The following CDHR2 variants were observed in gnomAD, a reference collection of about 807,000 sequenced individuals.
CDHR2 encodes cadherin related family member 2, also known as cadherin-related family member 2.
A neutral mutation model predicts 138.6 loss-of-function variants in CDHR2; 104 were observed. That is an observed-to-expected ratio of 0.75 (90% confidence interval 0.64 to 0.88). The LOEUF (loss-of-function observed/expected upper bound fraction) is 0.88. Among genes scored for constraint, CDHR2 ranks in the 40% least tolerant of loss-of-function variants. CDHR2 has a pLI of 0.00. For synonymous variants in CDHR2, 755 were observed against 742.8 expected, an observed-to-expected ratio of 1.02 and a Z score of -0.27; for missense variants, 1,624 against 1,727.6, an observed-to-expected ratio of 0.94 and a Z score of 1.06.
intron 5 of CDHR2, among the ~76,000 whole-genome samples, chr5:176,569,341 T>C (rs1443016670): frequency 6.6e-6 from 1 of 150,850 alleles, no homozygotes; most frequent in Non-Finnish European, 1.5e-5. Flanking sequence ...TGGAGTGCAG[T>C]GGCGCGATCT....
chr5:176,577,878 G>GTA (rs2113302706), intron 14 of CDHR2, 80 bp downstream of exon 14: 2 of 1,529,456 alleles, frequency 1.3e-6, no homozygotes, highest in Non-Finnish European at 1.8e-6. Context: ...GTGTGTGTGT[G>GTA]TATGTGTGAG....
At chr5:176,567,099 T>C in intron 3 of CDHR2, 1 of 447,114 alleles carries the variant, frequency 2.2e-6, no homozygotes, top group South Asian at 1.6e-5. Context: ...TTCTAGTCAA[T>C]CTCTGCTCCC....
chr5:176,560,035 C>T (rs188724989), intron 1 of CDHR2, among the ~76,000 whole-genome samples: 47 of 152,216 alleles, frequency 3.1e-4, no homozygotes, highest in Middle Eastern at 3.4e-3. Flanking sequence ...ATTAGCCAGC[C>T]CTAGGAGGGA....
At chr5:176,561,003 C>T (rs1216737443) in intron 1 of CDHR2, among the ~76,000 whole-genome samples, 2 of 152,140 alleles carry the variant, frequency 1.3e-5, no homozygotes, top group Non-Finnish European at 2.9e-5. Context: ...GGGAGGAGGG[C>T]CTGCAGCTAG....
intron 1 of CDHR2, among the ~76,000 whole-genome samples, chr5:176,551,176 T>TC (rs1298963689): frequency 2.6e-5 from 4 of 151,724 alleles, no homozygotes; most frequent in Middle Eastern, 3.4e-3. Context: ...GTCTGGCTAA[T>TC]TTTTTTTTGT....
intron 1 of CDHR2, among the ~76,000 whole-genome samples, chr5:176,551,770 C>T (rs1053230572): frequency 9.0e-5 from 13 of 144,430 alleles, no homozygotes; most frequent in African/African-American, 2.6e-4. Context: ...AGCGGCATCT[C>T]GGCTCACTGC....
intron 1 of CDHR2, among the ~76,000 whole-genome samples, chr5:176,564,852 G>A (rs565909845): frequency 2.5e-4 from 38 of 152,086 alleles, no homozygotes; most frequent in Non-Finnish European, 2.1e-4. Flanking sequence ...ACAAATTATG[G>A]TCCCTCTCCA....
chr5:176,571,646 C>T (rs927669090), intron 6 of CDHR2, among the ~76,000 whole-genome samples: 1 of 152,172 alleles, frequency 6.6e-6, no homozygotes, highest in Non-Finnish European at 1.5e-5. Flanking sequence ...ACACCATTCT[C>T]CTGCCTCAGC....
intron 1 of CDHR2, among the ~76,000 whole-genome samples, chr5:176,558,153 T>C (rs1004698303): frequency 1.3e-5 from 2 of 152,026 alleles, no homozygotes; most frequent in African/African-American, 4.8e-5. Context: ...CTGGGCTCCT[T>C]CTAGTACAGC....
At chr5:176,595,472 G>A (rs1157325089) in intron 31 of CDHR2, 60 bp from the exon 32 acceptor site, 2 of 1,504,414 alleles carry the variant, frequency 1.3e-6, no homozygotes, top group Non-Finnish European at 1.8e-6. Context: ...CTCCCCTAGG[G>A]CCTGGGGCAC....
chr5:176,593,188 C>A (rs1225946482), intron 31 of CDHR2, among the ~76,000 whole-genome samples: 1 of 152,160 alleles, frequency 6.6e-6, no homozygotes, highest in Non-Finnish European at 1.5e-5. Flanking sequence ...CATAGTCTAG[C>A]AAAGGAGAGA....
intron 5 of CDHR2, among the ~76,000 whole-genome samples, chr5:176,570,622 G>A (rs1324177140): frequency 6.6e-6 from 1 of 152,190 alleles, no homozygotes; most frequent in Non-Finnish European, 1.5e-5. Context: ...ACACAGGCAT[G>A]AGCCACTGCG....
rs1757745845 is a variant in CDHR2, at chr5:176,553,169, A to G, written c.-16+3755A>G. Reference sequence around the variant, plus strand: ...TCCTGGTTCGGGCTGTTCTCTCTCAACATCACATGTTTGTGGGCTCAGCAT... The same window carrying G: ...TCCTGGTTCGGGCTGTTCTCTCTCAGCATCACATGTTTGTGGGCTCAGCAT... On this transcript the variant is annotated intron_variant, in intron 1 of 31. Transcript: ENST00000261944. This position sits in a 1 kb window ranked among gnomAD's most constrained non-coding sequence, Gnocchi z 4.3. 6.6e-6 allele frequency among the ~76,000 whole-genome samples: 1 copy of G among 152,080 alleles called. No homozygotes were observed. Among genetic ancestry groups the G allele is most frequent in the African/African-American group, 2.4e-5 (1 of 41,378 alleles).
At chr5:176,583,602 G>C (rs934244704) in intron 17 of CDHR2, among the ~76,000 whole-genome samples, 2 of 150,998 alleles carry the variant, frequency 1.3e-5, no homozygotes, top group Admixed American at 6.6e-5. Context: ...GCTGTGCCCA[G>C]TGGGCTAGGG....
At chr5:176,588,613 G>A (rs1454594771) in intron 21 of CDHR2, among the ~76,000 whole-genome samples, 1 of 145,688 alleles carries the variant, frequency 6.9e-6, no homozygotes, top group African/African-American at 2.6e-5. Context: ...GTGCATATGT[G>A]TGTAAGTGTG....
At chr5:176,591,356 T>G in intron 29 of CDHR2, 33 bp downstream of exon 29, 2 of 1,610,720 alleles carry the variant, frequency 1.2e-6, no homozygotes, top group South Asian at 2.2e-5. Flanking sequence ...GTAAGAGGCC[T>G]GGTGGGGTGG....
intron 17 of CDHR2, among the ~76,000 whole-genome samples, chr5:176,582,247 C>T (rs561378525): frequency 4.1e-4 from 62 of 152,168 alleles, no homozygotes; most frequent in South Asian, 6.2e-4. Context: ...CTTGAACTCC[C>T]GAGCTCAAGC....
At chr5:176,574,567 C>T (rs1758318772) in intron 7 of CDHR2, among the ~76,000 whole-genome samples, 1 of 152,174 alleles carries the variant, frequency 6.6e-6, no homozygotes, top group Non-Finnish European at 1.5e-5. Context: ...CTCCAGGATC[C>T]CTGAGGACAC....
intron 30 of CDHR2, 97 bp downstream of exon 30, chr5:176,591,581 C>T: frequency 1.1e-6 from 1 of 920,578 alleles, no homozygotes; most frequent in Non-Finnish European, 1.8e-6. Flanking sequence ...ATGGTGATGA[C>T]AATGGTGATG....
Sources: gnomAD v4.1 joint callset for allele counts (sites outside exome capture counted in the v4.1 genomes callset) on GRCh38, gnomAD v4.1.1 for gene constraint, Gnocchi (gnomAD v3.1) non-coding constraint, MANE v1.5 for transcripts, NCBI Gene and HGNC (gene_info 2026-07-23, HGNC 2026-07-21) for gene names.